CSMD1: variants seen among roughly 807,000 people sequenced by gnomAD.
The protein encoded by CSMD1 is CUB and Sushi multiple domains 1.
In CSMD1, 213 loss-of-function variants were observed where a neutral mutation model predicts 417.5. That is an observed-to-expected ratio of 0.51 (90% CI 0.46 to 0.57). CSMD1 has a LOEUF of 0.57. Among genes scored for constraint, CSMD1 ranks in the 20% least tolerant of loss-of-function variants. The pLI is 0.00. For synonymous variants in CSMD1, 2,862 were observed against 1,736.8 expected, an observed-to-expected ratio of 1.65 and a Z score of -16.11; for missense variants, 6,923 against 4,529.7, an observed-to-expected ratio of 1.53 and a Z score of -15.17.
rs59349269 is a variant in CSMD1 at position 4,604,410 on chromosome 8, T to TGTGTGTGCGC, written c.302+32931_302+32932insGCGCACACAC. 4.4e-3 allele frequency among the ~76,000 whole-genome samples: 642 copies of TGTGTGTGCGC among 146,204 alleles called. 4 individuals are homozygous for TGTGTGTGCGC. The highest frequency in any genetic ancestry group is 7.1e-3 in the South Asian group (32 of 4,492). On this transcript the variant is annotated intron_variant, in intron 2 of 69. Transcript: ENST00000635120. ...GTGTGTGTGTGTGTGTGTGTGTGTG[T>TGTGTGTGCGC]GCGCGTGCGTAAAGACTAGGATCTC...
chr8:3,276,203 C>T (rs556427669), intron 26 of CSMD1, among the ~76,000 whole-genome samples: 2 of 152,076 alleles, frequency 1.3e-5, no homozygotes, highest in Non-Finnish European at 2.9e-5. Flanking sequence ...AGGTGTCAGT[C>T]TACCCCTGCT....
chr8:4,362,463 A>C (rs1255626102), intron 3 of CSMD1, among the ~76,000 whole-genome samples: 1 of 152,202 alleles, frequency 6.6e-6, no homozygotes, highest in Non-Finnish European at 1.5e-5. Context: ...TCCCTTGCTG[A>C]TAAGATTACG....
chr8:3,363,376 C>T (rs1809326333), intron 20 of CSMD1, among the ~76,000 whole-genome samples: 2 of 152,060 alleles, frequency 1.3e-5, no homozygotes, highest in Admixed American at 6.5e-5. Flanking sequence ...GGTGTAAAAA[C>T]GTCATGGAAA....
intron 25 of CSMD1, among the ~76,000 whole-genome samples, chr8:3,302,519 G>A (rs1804498505): frequency 6.6e-6 from 1 of 152,144 alleles, no homozygotes; most frequent in South Asian, 2.1e-4. Context: ...TTCCCTGCAT[G>A]TCTATCTTTT....
In CSMD1 at chr8:4,605,428, A is replaced by C. The variant is rs57990098; in HGVS notation, c.302+31914T>G. On this transcript the variant is annotated intron_variant, in intron 2 of 69. Transcript: ENST00000635120. ...GGAGGACCACTCTGAACATAGAATG[A>C]GACTATAATGGTCCCCAGAATTATC... Among the ~76,000 whole-genome samples the C allele has an allele frequency of 3.0e-3, 452 of 152,320 alleles. 4 individuals carry two copies. Among genetic ancestry groups the C allele is most frequent in the African/African-American group, 0.01 (433 of 41,566 alleles).
At position 3,826,013 on chromosome 8, in the gene CSMD1, C is replaced by T. The variant is rs570388421; in HGVS notation, c.819-71971G>A. On this transcript the variant is annotated intron_variant, in intron 5 of 69. Coordinates refer to ENST00000635120, the MANE Select transcript of CSMD1 (RefSeq NM_033225.6). ...ATTCTTTATCACTTTATTCACTTGC[C>T]TTTTTCAAAGGCCAACGTGTTGTCT... Among the ~76,000 whole-genome samples, 417 of 152,266 alleles carry T rather than the reference C, an allele frequency of 2.7e-3. 3 individuals are homozygous for T. The highest frequency in any genetic ancestry group is 6.8e-3 in the Middle Eastern group (2 of 294).
At chr8:3,942,318 A>G (rs911138173) in intron 5 of CSMD1, among the ~76,000 whole-genome samples, 1 of 152,252 alleles carries the variant, frequency 6.6e-6, no homozygotes, top group East Asian at 1.9e-4. Context: ...TCCAGTGGAA[A>G]AATTGTCTTC....
rs77714401 is a variant in CSMD1, at chr8:4,365,120, G to C, written c.415+54833C>G. Among the ~76,000 whole-genome samples, 960 of 152,204 alleles carry C rather than the reference G, an allele frequency of 6.3e-3. 29 individuals carry two copies. In the East Asian group the frequency reaches 0.087, roughly 14 times the overall value. ...AAAGTTTAAATACTTTAAGTGTGTA[G>C]ACATATAGTGAACTAATATACAGCA... On this transcript the variant is annotated intron_variant, in intron 3 of 69. Transcript: ENST00000635120.
At chr8:3,540,845 A>C (rs746023404) in intron 10 of CSMD1, among the ~76,000 whole-genome samples, 12 of 152,206 alleles carry the variant, frequency 7.9e-5, no homozygotes, top group Admixed American at 3.9e-4. Flanking sequence ...ATTTCATGCC[A>C]GTCAGATCAC....
chr8:4,069,283 A>G (rs1268381274), intron 3 of CSMD1, among the ~76,000 whole-genome samples: 1 of 152,208 alleles, frequency 6.6e-6, no homozygotes, highest in Non-Finnish European at 1.5e-5. Context: ...GTCTAGTAGG[A>G]GGTCATTATT....
chr8:4,208,875 G>C (rs757663322), intron 3 of CSMD1, among the ~76,000 whole-genome samples: 11 of 152,128 alleles, frequency 7.2e-5, no homozygotes, highest in Non-Finnish European at 1.3e-4. Context: ...CAAAATACCA[G>C]GGAGTGTGAG....
rs1408592782 is a variant in CSMD1, at chr8:3,092,827, A to C, written c.7139-1165T>G. 2.6e-5 allele frequency among the ~76,000 whole-genome samples: 4 copies of C among 152,330 alleles called. No individual in the cohort carries two copies. The East Asian group carries it at 7.7e-4, about 29-fold the overall frequency. On this transcript the variant is annotated intron_variant, in intron 47 of 69. Coordinates refer to ENST00000635120, the MANE Select transcript of CSMD1 (RefSeq NM_033225.6). ...GAGCTCAGCATTATCTCATACTCGT[A>C]AAAGCGTTCATGGCATTTTGCATTT... is the stretch of plus-strand genomic sequence containing the variant.
intron 7 of CSMD1, among the ~76,000 whole-genome samples, chr8:3,679,736 T>A (rs781344473): frequency 6.6e-6 from 1 of 152,204 alleles, no homozygotes; most frequent in Non-Finnish European, 1.5e-5. Context: ...ATATACATTC[T>A]TCTCAGCATC....
chr8:4,330,883 C>T (rs1372824040), intron 3 of CSMD1, among the ~76,000 whole-genome samples: 2 of 152,072 alleles, frequency 1.3e-5, no homozygotes, highest in African/African-American at 4.8e-5. Context: ...GTCAGTTTCT[C>T]TCAGAAAGCT....
chr8:4,315,781 A>C (rs1798888379), intron 3 of CSMD1, among the ~76,000 whole-genome samples: 1 of 145,316 alleles, frequency 6.9e-6, no homozygotes, highest in South Asian at 2.4e-4. Context: ...TTCAAAACAT[A>C]TTTTGCATAA....
rs139270517 is a variant in CSMD1 at position 4,561,273 on chromosome 8, C to T, written c.302+76069G>A. Among the ~76,000 whole-genome samples, 419 of 152,226 alleles carry T rather than the reference C, an allele frequency of 2.8e-3. 1 individual carries two copies. The highest frequency in any genetic ancestry group is 9.8e-3 in the African/African-American group (405 of 41,520). On this transcript the variant is annotated intron_variant, in intron 2 of 69. Coordinates refer to ENST00000635120, the MANE Select transcript of CSMD1 (RefSeq NM_033225.6). ...CCTGTAATCCCAGCTACCTGGGAGG[C>T]TGAGGCAGGGGAATCGTTTGAACTC...
intron 10 of CSMD1, among the ~76,000 whole-genome samples, chr8:3,558,305 T>C (rs117990464): frequency 0.068 from 5,864 of 85,862 alleles, 244 homozygotes; most frequent in South Asian, 0.13. Context: ...AACTCCGTGT[T>C]CACTCCTCCA....
intron 1 of CSMD1, among the ~76,000 whole-genome samples, chr8:4,715,337 A>C (rs1412660784): frequency 6.6e-6 from 1 of 152,208 alleles, no homozygotes; most frequent in Non-Finnish European, 1.5e-5. Flanking sequence ...TAATTCAGAA[A>C]TTTACAAAGC....
At chr8:3,715,653 C>T (rs953444375) in intron 6 of CSMD1, among the ~76,000 whole-genome samples, 9 of 152,170 alleles carry the variant, frequency 5.9e-5, no homozygotes, top group African/African-American at 2.2e-4. Flanking sequence ...AGTGATTCTC[C>T]TGCCTTGGCC....
Sources: gnomAD v4.1 joint callset for allele counts (sites outside exome capture counted in the v4.1 genomes callset) on GRCh38, gnomAD v4.1.1 for gene constraint, MANE v1.5 for transcripts, NCBI Gene and HGNC (gene_info 2026-07-23, HGNC 2026-07-21) for gene names.